Variants in CRPPA observed in about 807,000 individuals in gnomAD.
CRPPA encodes CDP-L-ribitol pyrophosphorylase A, also known as D-ribitol-5-phosphate cytidylyltransferase.
In CRPPA, 43 loss-of-function variants were observed where a neutral mutation model predicts 52.0. That is an observed-to-expected ratio of 0.83 (90% CI 0.65 to 1.07). The LOEUF (loss-of-function observed/expected upper bound fraction) is 1.07. Among genes scored for constraint, CRPPA ranks in the 50% least tolerant of loss-of-function variants. The pLI is 0.00. For synonymous variants in CRPPA, 250 were observed against 203.5 expected (o/e 1.23, Z -1.94); for missense variants, 629 against 551.7 (o/e 1.14, Z -1.40).
intron 2 of CRPPA, among the ~76,000 whole-genome samples, chr7:16,397,485 C>G (rs1010287619): frequency 6.6e-6 from 1 of 152,122 alleles, no homozygotes; most frequent in East Asian, 1.9e-4. Context: ...GTTGACATAA[C>G]AGAAACATGA....
chr7:16,198,664 G>T (rs1269817225), intron 9 of CRPPA, among the ~76,000 whole-genome samples: 5 of 148,352 alleles, frequency 3.4e-5, no homozygotes, highest in Non-Finnish European at 7.4e-5. Flanking sequence ...ACACCCACAG[G>T]TGTGTAGGGG....
At chr7:16,413,802 T>C (rs1788125913) in intron 1 of CRPPA, among the ~76,000 whole-genome samples, 1 of 152,150 alleles carries the variant, frequency 6.6e-6, no homozygotes, top group Non-Finnish European at 1.5e-5. Context: ...AATATAGACT[T>C]TCATTGATTT....
At chr7:16,355,269 C>G (rs979984953) in intron 3 of CRPPA, among the ~76,000 whole-genome samples, 10 of 152,156 alleles carry the variant, frequency 6.6e-5, no homozygotes, top group Non-Finnish European at 4.4e-5. Flanking sequence ...TGAGTGGATA[C>G]TCAATGAACT....
chr7:16,185,077 T>C (rs1266738445), intron 9 of CRPPA, among the ~76,000 whole-genome samples: 1 of 152,160 alleles, frequency 6.6e-6, no homozygotes, highest in East Asian at 1.9e-4. Flanking sequence ...TATTAGTCCA[T>C]TTTCATTCTG....
Position 16,301,521 on chromosome 7 carries a change from C to A in CRPPA, c.790-55G>T, listed in dbSNP as rs1039997903. 6 of 1,336,206 alleles carry A rather than the reference C, an allele frequency of 4.5e-6. No homozygotes were observed. The East Asian group carries it at 1.4e-4, about 31-fold the overall frequency. 82.8% of individuals were successfully genotyped at this position (1,336,206 alleles called of 1,614,324 possible). On this transcript the variant is annotated intron_variant, in intron 4 of 9. Transcript: ENST00000407010. The stretch of plus-strand genomic sequence containing the variant: ...AACAGAGCAGGAAGGAATGTGCAAG[C>A]AATAAAATAATGCCCCCAAGGAAAT...
At chr7:16,402,504 G>A (rs562758625) in intron 2 of CRPPA, among the ~76,000 whole-genome samples, 1 of 152,216 alleles carries the variant, frequency 6.6e-6, no homozygotes, top group South Asian at 2.1e-4. Flanking sequence ...AAACAGAAAT[G>A]AAGAGTTAGT....
intron 3 of CRPPA, among the ~76,000 whole-genome samples, chr7:16,365,378 C>T (rs1276886333): frequency 1.3e-5 from 2 of 152,164 alleles, no homozygotes; most frequent in African/African-American, 4.8e-5. Context: ...AAATAATGGC[C>T]AGATTTGTAA....
At chr7:16,341,572 A>C (rs1219855153) in intron 3 of CRPPA, among the ~76,000 whole-genome samples, 2 of 152,182 alleles carry the variant, frequency 1.3e-5, no homozygotes, top group African/African-American at 2.4e-5. Flanking sequence ...CTATTTTTTC[A>C]GTGTGTTACC....
intron 2 of CRPPA, among the ~76,000 whole-genome samples, chr7:16,390,119 T>G (rs1787404879): frequency 6.6e-6 from 1 of 151,574 alleles, no homozygotes; most frequent in Admixed American, 6.6e-5. Context: ...TAATGGCCAA[T>G]GTCTCTACTT....
intron 9 of CRPPA, among the ~76,000 whole-genome samples, chr7:16,182,292 G>T (rs1298768513): frequency 6.6e-6 from 1 of 151,828 alleles, no homozygotes; most frequent in Admixed American, 6.6e-5. Context: ...AATTAGTAAA[G>T]TTTATGAAAT....
intron 5 of CRPPA, among the ~76,000 whole-genome samples, chr7:16,282,298 A>G (rs1473627971): frequency 1.3e-5 from 2 of 152,100 alleles, no homozygotes; most frequent in Non-Finnish European, 2.9e-5. Context: ...ATTTAGAATC[A>G]TATTATTAGA....
chr7:16,240,127 C>A (rs181718133), intron 8 of CRPPA, among the ~76,000 whole-genome samples: 30 of 151,564 alleles, frequency 2.0e-4, no homozygotes, highest in African/African-American at 7.3e-4. Flanking sequence ...GTTACAACAA[C>A]ACCGTCAATT....
chr7:16,258,436 A>G lies in CRPPA; in HGVS notation c.1073T>C (p.Leu358Pro). The part of the protein sequence containing the change: ...FQETQKLLSM[L>P]EESSLCILYP... ...TAAAATGCAAAGACTACTCTCTTCA[A>G]GCATGCTCAGTAACTTCTGGGTTTC... Residue 358 changes from leucine to proline, a missense_variant, in exon 8 of 10, where the codon CTT becomes CCT. Physicochemically the swap from Leu to Pro is moderately conservative, Grantham distance 98 (BLOSUM62 -3). Transcript: ENST00000407010. The G allele has an allele frequency of 6.2e-7, 1 of 1,607,802 alleles. No individual in the cohort carries two copies.
At chr7:16,308,860 A>T (rs929493516) in intron 3 of CRPPA, among the ~76,000 whole-genome samples, 2 of 152,218 alleles carry the variant, frequency 1.3e-5, no homozygotes, top group Non-Finnish European at 2.9e-5. Context: ...TAGTGCAATC[A>T]TATGAGTTTT....
chr7:16,110,157 G>C (rs545414784), intron 9 of CRPPA, among the ~76,000 whole-genome samples: 121 of 151,874 alleles, frequency 8.0e-4, no homozygotes, highest in Non-Finnish European at 1.6e-3. Context: ...CTGTGAAAAG[G>C]AAATCAAGAG....
chr7:16,304,997 A>AG (rs1554318523), intron 4 of CRPPA, among the ~76,000 whole-genome samples: 1 of 151,486 alleles, frequency 6.6e-6, no homozygotes, highest in African/African-American at 2.4e-5. Flanking sequence ...TTTCAGATAC[A>AG]TTTTTTTTTA....
At chr7:16,127,833 A>T (rs1255568345) in intron 9 of CRPPA, among the ~76,000 whole-genome samples, 7 of 152,182 alleles carry the variant, frequency 4.6e-5, no homozygotes, top group Non-Finnish European at 1.0e-4. Context: ...GGTAAATCTT[A>T]TTCAGCATTT....
chr7:16,328,088 T>A (rs1276431399), intron 3 of CRPPA, among the ~76,000 whole-genome samples: 2 of 152,248 alleles, frequency 1.3e-5, no homozygotes. Flanking sequence ...TTTCACTTTA[T>A]ACTAGGTGAC....
intron 9 of CRPPA, among the ~76,000 whole-genome samples, chr7:16,161,178 T>C (rs1295127902): frequency 6.6e-6 from 1 of 152,178 alleles, no homozygotes; most frequent in Non-Finnish European, 1.5e-5. Context: ...GCTTTATTTC[T>C]TTCTCTTGCC....
Sources: gnomAD v4.1 joint callset for allele counts (sites outside exome capture counted in the v4.1 genomes callset) on GRCh38, gnomAD v4.1.1 for gene constraint, MANE v1.5 for transcripts, NCBI Gene and HGNC (gene_info 2026-07-23, HGNC 2026-07-21) for gene names.